The following CNTN4 variants were observed in gnomAD, a reference collection of about 807,000 sequenced individuals.
CNTN4 encodes the protein contactin-4.
CNTN4 carries 77 observed loss-of-function variants against 122.5 expected under a neutral mutation model. The observed-to-expected ratio is 0.63, with a 90% CI of 0.52 to 0.76. The LOEUF (loss-of-function observed/expected upper bound fraction) is 0.76. Ranked by LOEUF, CNTN4 falls within the 30% of genes least tolerant of loss-of-function variation. The pLI is 0.00. For missense variants in CNTN4, 1,256 were observed against 1,259.1 expected, an observed-to-expected ratio of 1.00 and a Z score of 0.04; for synonymous variants, 512 against 447.0, an observed-to-expected ratio of 1.15 and a Z score of -1.83.
chr3:2,166,011 G>A (rs1044269960), intron 2 of CNTN4, among the ~76,000 whole-genome samples: 2 of 152,002 alleles, frequency 1.3e-5, no homozygotes, highest in South Asian at 2.1e-4. Context: ...TGTAATGAAC[G>A]TGGAAGTTCA....
chr3:2,606,888 A>C (rs117125709), intron 4 of CNTN4, among the ~76,000 whole-genome samples: 3 of 152,226 alleles, frequency 2.0e-5, no homozygotes, highest in Admixed American at 6.5e-5. Flanking sequence ...TCATGGCAGT[A>C]TTGGTGTTGG....
At chr3:2,747,092 CA>C (rs201475392) in intron 6 of CNTN4, among the ~76,000 whole-genome samples, 36 of 141,368 alleles carry the variant, frequency 2.5e-4, no homozygotes, top group African/African-American at 4.1e-4. Context: ...AGTATAACAC[CA>C]AAAAAAAAAA....
At chr3:2,986,300 C>A (rs1476378338) in intron 13 of CNTN4, among the ~76,000 whole-genome samples, 1 of 152,166 alleles carries the variant, frequency 6.6e-6, no homozygotes, top group Admixed American at 6.5e-5. Context: ...CCCTATCTTA[C>A]CTAATTCTTG....
intron 4 of CNTN4, among the ~76,000 whole-genome samples, chr3:2,631,699 C>G (rs1023336837): frequency 1.3e-5 from 2 of 150,866 alleles, no homozygotes. Flanking sequence ...AAAATTCAAA[C>G]CAAGTAAGTA....
intron 3 of CNTN4, among the ~76,000 whole-genome samples, chr3:2,403,522 T>C (rs2046930967): frequency 6.6e-6 from 1 of 152,184 alleles, no homozygotes; most frequent in South Asian, 2.1e-4. Context: ...ATTTCTTGTA[T>C]AATCTCAAAG....
At chr3:2,145,342 A>T (rs1178403250) in intron 2 of CNTN4, among the ~76,000 whole-genome samples, 2 of 152,198 alleles carry the variant, frequency 1.3e-5, no homozygotes, top group African/African-American at 4.8e-5. Flanking sequence ...TATAAGCTAC[A>T]GTTGGTCATG....
intron 3 of CNTN4, among the ~76,000 whole-genome samples, chr3:2,374,581 G>A (rs956409439): frequency 1.3e-5 from 2 of 152,066 alleles, no homozygotes; most frequent in African/African-American, 4.8e-5. Flanking sequence ...TATGTGTGAA[G>A]TAGGGACATC....
At chr3:2,169,829 C>T (rs978452743) in intron 2 of CNTN4, among the ~76,000 whole-genome samples, 3 of 151,948 alleles carry the variant, frequency 2.0e-5, no homozygotes, top group Admixed American at 6.5e-5. Context: ...GTCAACAATG[C>T]TCTGAAGATT....
intron 2 of CNTN4, among the ~76,000 whole-genome samples, chr3:2,142,799 T>C (rs1282542924): frequency 1.3e-5 from 2 of 152,214 alleles, no homozygotes; most frequent in South Asian, 2.1e-4. Context: ...AAGGACTTCA[T>C]AGAAACTACG....
Position 3,041,927 on chromosome 3 carries a change from C to G in CNTN4, c.2399-383C>G, listed in dbSNP as rs137950056. On this transcript the variant is annotated intron_variant, in intron 20 of 24. Coordinates refer to ENST00000418658, the MANE Select transcript of CNTN4 (RefSeq NM_175607.3). ...TGAGCCATGATTGTGCCACTACATT[C>G]CAGCCTAGGTGACAGAGTGAGACCC... Among the ~76,000 whole-genome samples the G allele has an allele frequency of 4.4e-3, 674 of 152,254 alleles. 4 individuals are homozygous for G. Among genetic ancestry groups the G allele is most frequent in the Admixed American group, 0.012 (178 of 15,290 alleles).
chr3:2,257,667 A>G (rs754621878), intron 2 of CNTN4, among the ~76,000 whole-genome samples: 6 of 152,260 alleles, frequency 3.9e-5, no homozygotes, highest in African/African-American at 7.2e-5. Context: ...TATGCAGCCA[A>G]GAAACATGAA....
chr3:2,733,530 G>GTTTTT (rs1392401256), intron 4 of CNTN4, among the ~76,000 whole-genome samples: 4 of 114,520 alleles, frequency 3.5e-5, no homozygotes, highest in African/African-American at 8.9e-5. Flanking sequence ...GTGCATGTTT[G>GTTTTT]TGTTTTTTTT....
intron 3 of CNTN4, among the ~76,000 whole-genome samples, chr3:2,380,383 A>G (rs913012351): frequency 6.6e-6 from 1 of 152,220 alleles, no homozygotes; most frequent in Non-Finnish European, 1.5e-5. Flanking sequence ...GAGCACTAAG[A>G]TCTGATGTTG....
intron 2 of CNTN4, among the ~76,000 whole-genome samples, chr3:2,314,278 T>G (rs2043016780): frequency 6.6e-6 from 1 of 151,928 alleles, no homozygotes; most frequent in South Asian, 2.1e-4. Context: ...ATATTAGAAT[T>G]CTAAAATTAT....
At chr3:2,668,149 G>A (rs549301335) in intron 4 of CNTN4, among the ~76,000 whole-genome samples, 12 of 152,260 alleles carry the variant, frequency 7.9e-5, no homozygotes, top group Admixed American at 3.9e-4. Context: ...GTAGCTTGAT[G>A]GGGATGGCAT....
intron 4 of CNTN4, among the ~76,000 whole-genome samples, chr3:2,700,292 C>A (rs1186436899): frequency 6.6e-6 from 1 of 152,104 alleles, no homozygotes; most frequent in Non-Finnish European, 1.5e-5. Flanking sequence ...AACTGTGATC[C>A]AGAAGTTAAG....
intron 2 of CNTN4, among the ~76,000 whole-genome samples, chr3:2,123,924 G>A: frequency 6.6e-6 from 1 of 152,138 alleles, no homozygotes; most frequent in East Asian, 1.9e-4. Context: ...AATTCATCTT[G>A]ATTAGGCCCT....
intron 3 of CNTN4, among the ~76,000 whole-genome samples, chr3:2,364,368 T>C (rs2045288058): frequency 6.6e-6 from 1 of 152,208 alleles, no homozygotes; most frequent in Admixed American, 6.5e-5. Flanking sequence ...TTGCTGCCCT[T>C]GCTGTTTTTA....
intron 13 of CNTN4, among the ~76,000 whole-genome samples, chr3:2,946,731 T>C (rs1463847490): frequency 7.8e-6 from 1 of 128,288 alleles, no homozygotes; most frequent in African/African-American, 2.9e-5. Context: ...TGAGACAGAG[T>C]CTCACTGTGT....
Sources: gnomAD v4.1 joint callset for allele counts (sites outside exome capture counted in the v4.1 genomes callset) on GRCh38, gnomAD v4.1.1 for gene constraint, MANE v1.5 for transcripts, NCBI Gene and HGNC (gene_info 2026-07-23, HGNC 2026-07-21) for gene names.